The following GRAMD1C variants were observed in gnomAD, a reference collection of about 807,000 sequenced individuals.
GRAMD1C encodes the protein protein Aster-C.
In GRAMD1C, 89 loss-of-function variants were observed where a neutral mutation model predicts 97.8. The ratio of observed to expected loss-of-function variants is 0.91; its 90% CI spans 0.77 to 1.09. The LOEUF (loss-of-function observed/expected upper bound fraction) is 1.09, where lower values mean the gene tolerates loss of function less well. GRAMD1C is among the 50% of genes least tolerant of loss of function. The pLI is 0.00. For missense variants in GRAMD1C, 740 were observed against 766.4 expected (o/e 0.97, Z 0.41); for synonymous variants, 256 against 267.0 (o/e 0.96, Z 0.40).
chr3:113,907,007 C>A (rs1432823289), intron 8 of GRAMD1C, among the ~76,000 whole-genome samples: 3 of 152,118 alleles, frequency 2.0e-5, no homozygotes, highest in African/African-American at 7.2e-5. Flanking sequence ...GTAAGCTATA[C>A]CATCTAAATT....
chr3:113,888,556 T>C (rs979760303), intron 6 of GRAMD1C, among the ~76,000 whole-genome samples: 3 of 152,222 alleles, frequency 2.0e-5, no homozygotes, highest in African/African-American at 7.2e-5. Context: ...ATGGATATGT[T>C]AATTAACCTG....
At chr3:113,866,832 T>C (rs1021583368) in intron 2 of GRAMD1C, among the ~76,000 whole-genome samples, 1 of 126,942 alleles carries the variant, frequency 7.9e-6, no homozygotes, top group African/African-American at 3.0e-5. Context: ...TAGACCCTTA[T>C]GTCTTTTTTT....
intron 11 of GRAMD1C, 101 bp from the exon 12 acceptor site, chr3:113,933,410 G>T: frequency 1.3e-6 from 1 of 774,552 alleles, no homozygotes; most frequent in Non-Finnish European, 2.1e-6. Context: ...CATGTTTTTT[G>T]TAATTTTTGA....
Position 113,844,635 on chromosome 3 carries a change from G to T in GRAMD1C, c.160G>T (p.Asp54Tyr). 1 of 1,584,638 alleles carries T rather than the reference G, an allele frequency of 6.3e-7. No individual in the cohort carries two copies. The highest frequency in any genetic ancestry group is 1.2e-5 in the South Asian group (1 of 84,762). Residue 54 changes from aspartate to tyrosine, a missense_variant, in exon 2 of 18, where the codon GAC becomes TAC. Asp to Tyr is a radical substitution (Grantham distance 160). Coordinates refer to ENST00000358160, the MANE Select transcript of GRAMD1C (RefSeq NM_017577.5). Reference sequence around the variant, plus strand: ...GCCAAATTTACATAATTGGAGTGGTGACTGGAGCTTTTGGGTAATTTCTTT... The same window carrying T: ...GCCAAATTTACATAATTGGAGTGGTTACTGGAGCTTTTGGGTAATTTCTTT... The part of the protein sequence containing the change: ...QGPNLHNWSG[D>Y]WSFWISSSTY...
upstream of GRAMD1C, among the ~76,000 whole-genome samples, chr3:113,834,835 G>T (rs1051098674): frequency 1.3e-5 from 2 of 150,612 alleles, no homozygotes; most frequent in East Asian, 3.9e-4. Context: ...AGCTACTCCA[G>T]AGGCTGGGAC....
Position 113,844,526 on chromosome 3 carries a change from C to A in GRAMD1C, c.51C>A (p.Ser17Arg). The stretch of plus-strand genomic sequence containing the variant: ...AGGTGATGAATGAAGGGGATTCAAG[C>A]CTTGCCACCGACTTACAGGAAGATG... ...VRQVMNEGDS[S>R]LATDLQEDVE... Residue 17 changes from serine (S) to arginine (R), a missense_variant, in exon 2 of 18, where the codon AGC (serine) becomes AGA (arginine). Ser to Arg is a moderately radical substitution (Grantham distance 110, BLOSUM62 -1). Coordinates refer to ENST00000358160, the MANE Select transcript of GRAMD1C (RefSeq NM_017577.5). The A allele has an allele frequency of 1.2e-6, 2 of 1,602,622 alleles. No homozygotes were observed. The highest frequency in any genetic ancestry group is 1.7e-6 in the Non-Finnish European group (2 of 1,171,690).
chr3:113,879,109 G>A (rs1367816088), intron 5 of GRAMD1C, among the ~76,000 whole-genome samples: 1 of 152,006 alleles, frequency 6.6e-6, no homozygotes, highest in Non-Finnish European at 1.5e-5. Context: ...GGAGGCGGAG[G>A]CAAAAGAATC....
intron 4 of GRAMD1C, 110 bp downstream of exon 4, chr3:113,875,697 G>A (rs1934999952): frequency 3.2e-6 from 2 of 618,124 alleles, no homozygotes; most frequent in Admixed American, 5.3e-5. Context: ...ATATATATTT[G>A]TGCATCTAAA....
chr3:113,879,548 C>T (rs1935181340), intron 5 of GRAMD1C, among the ~76,000 whole-genome samples: 2 of 152,136 alleles, frequency 1.3e-5, no homozygotes, highest in South Asian at 4.1e-4. Flanking sequence ...TATGTGGTCA[C>T]CCTCCTTGAG....
chr3:113,908,244 A>G (rs2107325446), intron 8 of GRAMD1C, among the ~76,000 whole-genome samples: 1 of 152,342 alleles, frequency 6.6e-6, no homozygotes, highest in African/African-American at 2.4e-5. Context: ...TCTGATTATA[A>G]TACAGTACTA....
At chr3:113,910,082 G>T (rs1157583660) in intron 9 of GRAMD1C, among the ~76,000 whole-genome samples, 1 of 151,828 alleles carries the variant, frequency 6.6e-6, no homozygotes, top group African/African-American at 2.4e-5. Flanking sequence ...ATTCCATATG[G>T]CATTAAAAAA....
chr3:113,867,108 C>T (rs1248319), intron 2 of GRAMD1C, among the ~76,000 whole-genome samples: 4 of 151,882 alleles, frequency 2.6e-5, no homozygotes, highest in African/African-American at 9.7e-5. Context: ...GGATTACAGG[C>T]GTGAGCCGTC....
intron 9 of GRAMD1C, 56 bp from the exon 10 acceptor site, chr3:113,915,645 T>G: frequency 6.7e-7 from 1 of 1,495,008 alleles, no homozygotes; most frequent in Non-Finnish European, 9.2e-7. Flanking sequence ...CCCTAAAGCC[T>G]TAAAATAAAC....
At chr3:113,873,296 C>T (rs1174910060) in intron 3 of GRAMD1C, among the ~76,000 whole-genome samples, 1 of 151,870 alleles carries the variant, frequency 6.6e-6, no homozygotes, top group Non-Finnish European at 1.5e-5. Flanking sequence ...AAAAAACACT[C>T]AAAAAAGTCT....
intron 5 of GRAMD1C, among the ~76,000 whole-genome samples, chr3:113,882,016 A>G (rs888579743): frequency 1.3e-5 from 2 of 152,202 alleles, no homozygotes; most frequent in Admixed American, 1.3e-4. Context: ...CTTCCTAAGG[A>G]TAACTGCTGA....
intron 6 of GRAMD1C, among the ~76,000 whole-genome samples, chr3:113,894,634 G>T (rs181077450): frequency 2.6e-5 from 4 of 152,132 alleles, no homozygotes; most frequent in Non-Finnish European, 5.9e-5. Flanking sequence ...GCACATGGGG[G>T]CTATGGGGAA....
chr3:113,945,369 C>T, intron 17 of GRAMD1C, 29 bp from the exon 18 acceptor site: 1 of 1,397,788 alleles, frequency 7.2e-7, no homozygotes, highest in Admixed American at 1.9e-5. Context: ...AAAAATTAAT[C>T]TGATTTTGAA....
upstream of GRAMD1C, chr3:113,838,660 T>C: frequency 5.5e-6 from 2 of 362,278 alleles, no homozygotes; most frequent in Non-Finnish European, 9.8e-6. Context: ...GCACAGTAGT[T>C]TGAGGTTGGG....
intron 1 of GRAMD1C, among the ~76,000 whole-genome samples, chr3:113,842,644 G>A (rs1176550844): frequency 2.0e-5 from 3 of 152,018 alleles, no homozygotes; most frequent in African/African-American, 7.2e-5. Context: ...TTCCCCCATG[G>A]CAATGGTTAT....
Sources: gnomAD v4.1 joint callset for allele counts (sites outside exome capture counted in the v4.1 genomes callset) on GRCh38, gnomAD v4.1.1 for gene constraint, MANE v1.5 for transcripts, NCBI Gene and HGNC (gene_info 2026-07-23, HGNC 2026-07-21) for gene names.